The following RRM2 variants were observed in gnomAD, a reference collection of about 807,000 sequenced individuals.
RRM2 encodes the protein ribonucleoside-diphosphate reductase subunit M2.
In RRM2, 6 loss-of-function variants were observed where a neutral mutation model predicts 45.9. The observed-to-expected ratio is 0.13, with a 90% CI of 0.07 to 0.26. RRM2 has a LOEUF of 0.26. Among genes scored for constraint, RRM2 ranks in the 10% least tolerant of loss-of-function variants. The pLI is 1.00. For missense variants in RRM2, 343 were observed against 489.5 expected, an observed-to-expected ratio of 0.70 and a Z score of 2.82; for synonymous variants, 177 against 173.0, an observed-to-expected ratio of 1.02 and a Z score of -0.18.
At chr2:10,164,044 A>T (rs1194390709) in intron 3 of RRM2, among the ~76,000 whole-genome samples, 2 of 151,294 alleles carry the variant, frequency 1.3e-5, no homozygotes, top group Non-Finnish European at 3.0e-5. Context: ...GTGAGTGTGA[A>T]TATGTGTGTG....
At position 10,130,073 on chromosome 2, in the gene RRM2, G is replaced by GC. The variant is rs989423360; in HGVS notation, c.*692dup. The GC allele has an allele frequency of 7.9e-5, 12 of 152,196 alleles. No homozygotes were observed. In the East Asian group the frequency reaches 2.3e-3, roughly 29 times the overall value. The allele number at this position is 152,196 out of a possible 1,614,324, so 9.4% of individuals were successfully genotyped here. On this transcript the variant is annotated 3_prime_UTR_variant, in exon 10 of 10. Transcript: ENST00000304567. ...CTTGTGTAGTGTCCTGGGATTCTCT[G>GC]CCCCCTCTGAGTAGAGTGTTGTGGG...
rs148386027 is a variant in RRM2, at chr2:10,145,360, T to G, written n.482+2985T>G. Among the ~76,000 whole-genome samples, 625 of 152,326 alleles carry G rather than the reference T, an allele frequency of 4.1e-3. 4 individuals carry two copies. Among genetic ancestry groups the G allele is most frequent in the African/African-American group, 0.014 (590 of 41,568 alleles). ...CAAATTCCCATACATAGAGACCTAG[T>G]GTGCACACTCGCAGCCCAGGCTTGT... On this transcript the variant is annotated intron_variant and non_coding_transcript_variant, in intron 3 of 3. Coordinates refer to the RRM2 transcript ENST00000381786.
chr2:10,174,297 C>CTCTTGGGGAGAA, intron 3 of RRM2, among the ~76,000 whole-genome samples: 1 of 145,466 alleles, frequency 6.9e-6, no homozygotes, highest in Non-Finnish European at 1.5e-5. Flanking sequence ...AAGACAGCAG[C>CTCTTGGGGAGAA]GCTTGGGGAG....
In RRM2 at chr2:10,128,845, T is replaced by C; in HGVS notation, c.799-3T>C. On this transcript the variant is annotated splice_polypyrimidine_tract_variant and splice_region_variant and intron_variant, in intron 7 of 9. Coordinates refer to ENST00000304567, the MANE Select transcript of RRM2 (RefSeq NM_001034.4). The stretch of plus-strand genomic sequence containing the variant: ...TTTAGTGATCTTGAACTTTTTTTTC[T>C]AGGGTTTACACTGTGATTTTGCTTG... The C allele has an allele frequency of 6.2e-7, 1 of 1,611,854 alleles. No homozygotes were observed. Among genetic ancestry groups the C allele is most frequent in the South Asian group, 1.1e-5 (1 of 90,920 alleles).
intron 3 of RRM2, among the ~76,000 whole-genome samples, chr2:10,206,262 A>AT (rs1664663919): frequency 1.3e-5 from 2 of 151,446 alleles, no homozygotes; most frequent in South Asian, 4.2e-4. Flanking sequence ...AAAAAAAAAA[A>AT]GTTAAACACA....
At chr2:10,136,537 G>C (rs749132854), upstream of RRM2, among the ~76,000 whole-genome samples, 6 of 152,186 alleles carry the variant, frequency 3.9e-5, no homozygotes, top group Admixed American at 1.3e-4. Flanking sequence ...GGAGGCCAAG[G>C]GGGGAATCCC....
intron 3 of RRM2, among the ~76,000 whole-genome samples, chr2:10,183,076 C>T (rs899346168): frequency 4.6e-5 from 7 of 152,076 alleles, no homozygotes; most frequent in African/African-American, 1.2e-4. Context: ...GAGGCTAAGG[C>T]GGGAGGATGG....
intron 3 of RRM2, among the ~76,000 whole-genome samples, chr2:10,190,809 A>G (rs1664287261): frequency 6.7e-6 from 1 of 149,814 alleles, no homozygotes; most frequent in African/African-American, 2.5e-5. Flanking sequence ...GTTGGTGGTG[A>G]TGAGTGTGAT....
At chr2:10,199,293 G>GGA (rs1553329261) in intron 3 of RRM2, 2 of 135,762 alleles carry the variant, frequency 1.5e-5, no homozygotes, top group Non-Finnish European at 3.2e-5. Flanking sequence ...AAAAAAGGGG[G>GGA]GGGGGAAGGA....
At chr2:10,188,115 G>C (rs990372076) in intron 3 of RRM2, among the ~76,000 whole-genome samples, 4 of 152,270 alleles carry the variant, frequency 2.6e-5, no homozygotes, top group African/African-American at 9.6e-5. Context: ...CTTCCCTGAG[G>C]ACCCCGAGCT....
intron 3 of RRM2, among the ~76,000 whole-genome samples, chr2:10,199,779 CAAAAA>C (rs796262395): frequency 4.4e-3 from 63 of 14,268 alleles, no homozygotes; most frequent in African/African-American, 0.01. Flanking sequence ...GACTCAGTCT[CAAAAA>C]AAAAAAAAAA....
rs1345575480 is a variant in RRM2, at chr2:10,127,011, T to C, written c.664+42T>C. On this transcript the variant is annotated intron_variant, in intron 6 of 9. Transcript: ENST00000304567. This position sits in a 1 kb window ranked among gnomAD's most constrained non-coding sequence, Gnocchi z 4.1. The stretch of plus-strand genomic sequence containing the variant: ...CCCTACTTAAACCTGAGCTTCATTT[T>C]CCAAGTAATGTTACTGGATTTTTGG... 1 of 1,611,768 alleles carries C rather than the reference T, an allele frequency of 6.2e-7. No individual in the cohort carries two copies.
chr2:10,179,794 G>A (rs552220314), intron 3 of RRM2, among the ~76,000 whole-genome samples: 15 of 152,306 alleles, frequency 9.8e-5, no homozygotes, highest in African/African-American at 3.6e-4. Context: ...ATAAGCCAGG[G>A]ATTGTCAGTA....
At position 10,150,779 on chromosome 2, in the gene RRM2, T is replaced by G. The variant is rs866765593; in HGVS notation, n.482+8404T>G. Among the ~76,000 whole-genome samples, 79 of 145,856 alleles carry G rather than the reference T, an allele frequency of 5.4e-4. 1 individual carries two copies. The highest frequency in any genetic ancestry group is 2.1e-3 in the African/African-American group (79 of 38,232). On this transcript the variant is annotated intron_variant and non_coding_transcript_variant, in intron 3 of 3. Transcript: ENST00000381786. The stretch of plus-strand genomic sequence containing the variant: ...ATCCTACAGTGTGTTGTGTTTTTTT[T>G]TTTTTTTTTTTGATGTGGTTTCTCT...
Position 10,127,151 on chromosome 2 carries a change from A to T in RRM2, c.729A>T (p.Ile243=), listed in dbSNP as rs1459342661. The T allele has an allele frequency of 1.2e-6, 2 of 1,614,036 alleles. No individual in the cohort carries two copies. The highest frequency in any genetic ancestry group is 2.7e-5 in the African/African-American group (2 of 74,898). Residue 243 remains isoleucine (I), a synonymous_variant, in exon 7 of 10, where the codon ATA becomes ATT. Transcript: ENST00000304567. The surrounding 1 kb of genome is among the most constrained non-coding windows in gnomAD (Gnocchi z 4.1). ...TCTTTTCCGGTTCTTTTGCGTCGAT[A>T]TTCTGGCTCAAGAAACGAGGACTGA... ...GIFFSGSFAS[I]FWLKKRGLMP...
chr2:10,136,866 G>A (rs960145096), upstream of RRM2, among the ~76,000 whole-genome samples: 1 of 152,182 alleles, frequency 6.6e-6, no homozygotes, highest in Admixed American at 6.5e-5. Flanking sequence ...CTTTGGGGGT[G>A]AGGGGTGGGT....
chr2:10,207,634 G>T (rs1664688220), intron 3 of RRM2, among the ~76,000 whole-genome samples: 1 of 151,872 alleles, frequency 6.6e-6, no homozygotes, highest in Admixed American at 6.6e-5. Flanking sequence ...CTATAGAGTG[G>T]GTCCTTCCCT....
rs569303335 is a variant in RRM2 at position 10,203,736 on chromosome 2, G to C, written n.483-6575G>C. Among the ~76,000 whole-genome samples, 21 of 150,888 alleles carry C rather than the reference G, an allele frequency of 1.4e-4. 1 individual carries two copies. The South Asian group carries it at 2.5e-3, about 18-fold the overall frequency. On this transcript the variant is annotated intron_variant and non_coding_transcript_variant, in intron 3 of 3. Coordinates refer to the RRM2 transcript ENST00000381786. ...ATCGCACTCCAGCCTGGGTGACAGAGTGAGACTCTGTCTCACAAAAATAAA... is the reference window on the plus strand; with the variant it reads ...ATCGCACTCCAGCCTGGGTGACAGACTGAGACTCTGTCTCACAAAAATAAA...
At chr2:10,134,453 A>G (rs1209164916), downstream of RRM2, among the ~76,000 whole-genome samples, 3 of 152,204 alleles carry the variant, frequency 2.0e-5, no homozygotes, top group African/African-American at 7.2e-5. Flanking sequence ...CCATTGGCAC[A>G]GTGGGGAAGA....
Sources: allele counts gnomAD v4.1 joint callset (sites outside exome capture counted in the v4.1 genomes callset), GRCh38; gene constraint gnomAD v4.1.1; non-coding constraint Gnocchi (gnomAD v3.1); transcripts MANE v1.5; gene names NCBI Gene and HGNC (gene_info 2026-07-23, HGNC 2026-07-21).